ZNF454: variants seen among roughly 807,000 people sequenced by gnomAD.
ZNF454 encodes zinc finger protein 454.
Under a neutral mutation model 48.2 loss-of-function variants are expected in ZNF454, and 30 were observed. The ratio of observed to expected loss-of-function variants is 0.62; its 90% confidence interval spans 0.47 to 0.84. ZNF454 has a LOEUF of 0.84. Among genes scored for constraint, ZNF454 ranks in the 40% least tolerant of loss-of-function variants. The pLI, the probability that ZNF454 is intolerant of heterozygous loss-of-function variation, is 0.00. For missense variants in ZNF454, 510 were observed against 623.1 expected, an observed-to-expected ratio of 0.82 and a Z score of 1.93; for synonymous variants, 204 against 211.4, an observed-to-expected ratio of 0.97 and a Z score of 0.30.
chr5:178,970,727 C>G (rs1056872486), downstream of ZNF454, among the ~76,000 whole-genome samples: 12 of 152,116 alleles, frequency 7.9e-5, no homozygotes, highest in Admixed American at 7.9e-4. Flanking sequence ...CGTCACTATC[C>G]TTAAAAAATT....
chr5:178,948,939 G>A (rs1759449304), intron 4 of ZNF454, among the ~76,000 whole-genome samples: 1 of 148,396 alleles, frequency 6.7e-6, no homozygotes, highest in South Asian at 2.1e-4. Flanking sequence ...GTCTCCTTCT[G>A]TTACCCAGGC....
intron 4 of ZNF454, among the ~76,000 whole-genome samples, chr5:178,951,329 G>A (rs572718883): frequency 3.9e-5 from 6 of 152,294 alleles, no homozygotes; most frequent in East Asian, 1.9e-4. Flanking sequence ...AGAAAGGCCC[G>A]TGCCTCACCA....
At chr5:178,969,750 C>T (rs1017878208), downstream of ZNF454, 7 of 426,062 alleles carry the variant, frequency 1.6e-5, no homozygotes, top group South Asian at 3.4e-5. Flanking sequence ...CGTTCCGAGA[C>T]CCATCACAGT....
the ZNF454 span, among the ~76,000 whole-genome samples, chr5:178,974,752 G>C: frequency 4.6e-5 from 7 of 152,208 alleles, no homozygotes; most frequent in Admixed American, 2.6e-4. Context: ...TGTAGGGATG[G>C]ATGATTACCT....
the ZNF454 span, chr5:178,975,615 TCTTCTCACCCCGAGTAAATTAAAGTC>T: frequency 1.4e-5 from 5 of 351,642 alleles, no homozygotes; most frequent in Admixed American, 1.6e-4. Flanking sequence ...CAGTGTCTCC[TCTTCTCACCCCGAGTAAATTAAAGTC>T]CTTGATTTTA....
chr5:178,946,619 C>T lies in ZNF454; in HGVS notation c.160+134C>T. 2 of 1,258,640 alleles carry T rather than the reference C, an allele frequency of 1.6e-6. No individual in the cohort carries two copies. The highest frequency in any genetic ancestry group is 1.5e-5 in the African/African-American group (1 of 66,492). The allele number at this position is 1,258,640 out of a possible 1,614,324, so 78.0% of individuals were successfully genotyped here. A position where few individuals can be genotyped will look rare whatever the true frequency, so the allele number is the denominator to read the frequency against. On this transcript the variant is annotated intron_variant, in intron 3 of 4. Transcript: ENST00000519564. The surrounding 1 kb of genome is among the most constrained non-coding windows in gnomAD (Gnocchi z 4.5). ...CAAGGGTGCCATTAATTTTACCTGT[C>T]CTTGGTGTCCTGGGCACAGGCCTCT...
downstream of ZNF454, among the ~76,000 whole-genome samples, chr5:178,970,761 G>T (rs993191739): frequency 6.6e-6 from 1 of 152,156 alleles, no homozygotes; most frequent in Non-Finnish European, 1.5e-5. Flanking sequence ...ATTCATCAGT[G>T]TGTCTTTCTG....
At chr5:178,954,966 T>G (rs1159468110) in intron 4 of ZNF454, among the ~76,000 whole-genome samples, 2 of 152,240 alleles carry the variant, frequency 1.3e-5, no homozygotes, top group East Asian at 3.8e-4. Context: ...CCAGTGAGGA[T>G]TTGAGTTGCT....
chr5:178,945,224 G>A (rs1235734124), intron 2 of ZNF454, among the ~76,000 whole-genome samples: 1 of 151,564 alleles, frequency 6.6e-6, no homozygotes, highest in Non-Finnish European at 1.5e-5. Flanking sequence ...TTGTGTGTGT[G>A]TCTCTGTGTG....
At position 178,965,007 on chromosome 5, in the gene ZNF454, TG is replaced by T. The variant is rs1411496451; in HGVS notation, c.604del (p.Glu202LysfsTer54). 8 of 1,613,708 alleles carry T rather than the reference TG, an allele frequency of 5.0e-6. No homozygotes were observed. The African/African-American group carries it at 5.3e-5, about 11-fold the overall frequency. ...TTAATAAACATCAGAAAATTCATAA[TG>T]AAAAAAATGCAAATCAGAAAATTCA... Reference protein sequence around the residue: ...TLNKHQKIHNEKNANQKIHIK... With the variant: ...TLNKHQKIHNXKNANQKIHIK... On this transcript the variant is annotated frameshift_variant, in exon 5 of 5. Coordinates refer to ENST00000519564, the MANE Select transcript of ZNF454 (RefSeq NM_001178089.3). LOFTEE classifies it high-confidence loss of function. This position sits in a 1 kb window ranked among gnomAD's most constrained non-coding sequence, Gnocchi z 5.2.
chr5:178,989,120 C>T, the ZNF454 span: 12 of 1,613,972 alleles, frequency 7.4e-6, no homozygotes, highest in Admixed American at 2.0e-4. Flanking sequence ...GGAGTCCCGG[C>T]CGATGCGTTC....
chr5:178,951,453 T>G (rs1759554440), intron 4 of ZNF454, among the ~76,000 whole-genome samples: 1 of 152,186 alleles, frequency 6.6e-6, no homozygotes, highest in East Asian at 1.9e-4. Context: ...TACCAGCATC[T>G]CCTGTGCTTC....
the ZNF454 span, among the ~76,000 whole-genome samples, chr5:178,982,344 G>A: frequency 1.3e-5 from 2 of 152,120 alleles, no homozygotes; most frequent in Admixed American, 6.5e-5. Context: ...TTGGGAGGCC[G>A]AGGCAGATGG....
Position 178,941,269 on chromosome 5 carries a change from CA to C in ZNF454, c.-282del. The C allele has an allele frequency of 2.5e-6, 1 of 403,142 alleles. No homozygotes were observed. Among genetic ancestry groups the C allele is most frequent in the Non-Finnish European group, 5.0e-6 (1 of 199,374 alleles). The allele number at this position is 403,142 out of a possible 1,614,324, so 25.0% of individuals were successfully genotyped here. ...GGCGCTTGCGATCTCTCGCCGCCGG[CA>C]GAGGCTCCTCGAAGAGCGACACGGG... On this transcript the variant is annotated 5_prime_UTR_variant, in exon 1 of 5. The change creates a premature stop within an existing upstream ORF in the 5' untranslated region. Transcript: ENST00000519564. The surrounding 1 kb of genome is among the most constrained non-coding windows in gnomAD (Gnocchi z 5.5).
chr5:178,955,623 T>C (rs1040225899), intron 4 of ZNF454, among the ~76,000 whole-genome samples: 2 of 152,208 alleles, frequency 1.3e-5, no homozygotes, highest in Non-Finnish European at 2.9e-5. Context: ...ATGAGTGATA[T>C]TAGTCTATAG....
chr5:178,974,598 G>A, the ZNF454 span, among the ~76,000 whole-genome samples: 4 of 152,192 alleles, frequency 2.6e-5, no homozygotes, highest in Non-Finnish European at 4.4e-5. Flanking sequence ...GATTAGAGGC[G>A]TGAGCCACCG....
In ZNF454 at chr5:178,966,338, G is replaced by T. The variant is rs1760155042; in HGVS notation, c.*365G>T. On this transcript the variant is annotated 3_prime_UTR_variant, in exon 5 of 5. Coordinates refer to ENST00000519564, the MANE Select transcript of ZNF454 (RefSeq NM_001178089.3). ...AGTCCCAGCTACTCGGGAGGCTGAGGCAGGAGAATGGCATGAACCCGGGAG... is the reference window on the plus strand; with the variant it reads ...AGTCCCAGCTACTCGGGAGGCTGAGTCAGGAGAATGGCATGAACCCGGGAG... 1.3e-5 allele frequency: 2 copies of T among 158,942 alleles called. No individual in the cohort carries two copies. The highest frequency in any genetic ancestry group is 4.8e-5 in the African/African-American group (2 of 41,394). The allele number at this position is 158,942 out of a possible 1,614,324, so 9.8% of individuals were successfully genotyped here. A position where few individuals can be genotyped will look rare whatever the true frequency, so the allele number is the denominator to read the frequency against.
intron 4 of ZNF454, among the ~76,000 whole-genome samples, chr5:178,959,629 G>A (rs539767359): frequency 2.5e-4 from 38 of 151,658 alleles, no homozygotes; most frequent in African/African-American, 8.7e-4. Context: ...TTTTTGAGAC[G>A]GAGTCTCGCT....
At chr5:178,985,515 A>C in the ZNF454 span, 54 of 339,978 alleles carry the variant, frequency 1.6e-4, 1 homozygote, top group South Asian at 9.7e-4. Flanking sequence ...CATCCTGGCT[A>C]ACACGGTGAA....
Sources: allele counts gnomAD v4.1 joint callset (sites outside exome capture counted in the v4.1 genomes callset), GRCh38; gene constraint gnomAD v4.1.1; non-coding constraint Gnocchi (gnomAD v3.1); transcripts MANE v1.5; gene names NCBI Gene and HGNC (gene_info 2026-07-23, HGNC 2026-07-21).